TMEM100: variants seen among roughly 807,000 people sequenced by gnomAD.
TMEM100 encodes transmembrane protein 100.
For synonymous variants in TMEM100, 61 were observed against 67.1 expected (o/e 0.91, Z 0.44); for missense variants, 137 against 168.2 (o/e 0.81, Z 1.02).
upstream of TMEM100, among the ~76,000 whole-genome samples, chr17:55,726,655 C>A (rs1199238110): frequency 2.0e-5 from 3 of 152,136 alleles, no homozygotes; most frequent in Non-Finnish European, 4.4e-5. Context: ...TCACCACATG[C>A]CTTTGATCTC....
Position 55,720,810 on chromosome 17 carries a change from G to T in TMEM100, c.261C>A (p.Ile87=). ...SFNSHGSIIS[I]FGLVVLSSGL... ...CAGATGACAGAACAACCAGGCCAAA[G>T]ATGGAGATAATAGACCCATGGGAAT... Residue 87 remains isoleucine, a synonymous_variant, in exon 2 of 2, where the codon ATC becomes ATA. Coordinates refer to ENST00000424486, the MANE Select transcript of TMEM100 (RefSeq NM_018286.3). 6.2e-7 allele frequency: 1 copy of T among 1,614,222 alleles called. No individual in the cohort carries two copies. The highest frequency in any genetic ancestry group is 8.5e-7 in the Non-Finnish European group (1 of 1,180,036).
upstream of TMEM100, among the ~76,000 whole-genome samples, chr17:55,726,655 C>T (rs1199238110): frequency 6.6e-6 from 1 of 152,136 alleles, no homozygotes; most frequent in Non-Finnish European, 1.5e-5. Flanking sequence ...TCACCACATG[C>T]CTTTGATCTC....
At chr17:55,721,752 A>G (rs2144863227) in intron 1 of TMEM100, 1 of 152,352 alleles carries the variant, frequency 6.6e-6, no homozygotes, top group East Asian at 1.9e-4. Context: ...TGGACAGTTC[A>G]GCAAAAAATT....
chr17:55,729,196 G>A (rs1909142366), intron 1 of TMEM100, among the ~76,000 whole-genome samples: 1 of 152,214 alleles, frequency 6.6e-6, no homozygotes, highest in South Asian at 2.1e-4. Context: ...GGGAAAGCAG[G>A]TTGAGACACC....
chr17:55,725,124 C>T (rs1373831496), upstream of TMEM100, among the ~76,000 whole-genome samples: 1 of 152,232 alleles, frequency 6.6e-6, no homozygotes, highest in East Asian at 1.9e-4. Flanking sequence ...TTTACCTCTT[C>T]AAATTGAAAT....
exon 1 of TMEM100, chr17:55,731,897 G>A (rs940787517): frequency 6.6e-6 from 1 of 152,192 alleles, no homozygotes; most frequent in African/African-American, 2.4e-5. Context: ...AAAGCAGCAG[G>A]GGCCAGAACT....
At chr17:55,722,132 A>C (rs1013960737) in intron 1 of TMEM100, among the ~76,000 whole-genome samples, 10 of 152,230 alleles carry the variant, frequency 6.6e-5, no homozygotes, top group African/African-American at 2.2e-4. Context: ...ACTTTTGATC[A>C]AAAGTATCTG....
In TMEM100 at chr17:55,721,010, T is replaced by C. The variant is rs1485686683; in HGVS notation, c.61A>G (p.Met21Val). 2 of 1,614,158 alleles carry C rather than the reference T, an allele frequency of 1.2e-6. No individual in the cohort carries two copies. Among genetic ancestry groups the C allele is most frequent in the Non-Finnish European group, 1.7e-6 (2 of 1,180,010 alleles). The change falls in exon 2 of 2, where the codon ATG (methionine) becomes GTG (valine). Residue 21 changes from methionine (M) to valine (V), a missense_variant. By Grantham distance (21) the Met-to-Val change is conservative (BLOSUM62 1). Transcript: ENST00000424486. ...ACTTCACTCTTGGGGCTCTTCTCCA[T>C]CGTCGCTGCCATGTGAGCCTTTGGG... Reference protein sequence around the residue: ...GAPKAHMAATMEKSPKSEVVI... With the variant: ...GAPKAHMAATVEKSPKSEVVI...
At chr17:55,724,827 C>A (rs3760280), upstream of TMEM100, among the ~76,000 whole-genome samples, 3,608 of 152,220 alleles carry the variant, frequency 0.024, 246 homozygotes, top group East Asian at 0.23. Flanking sequence ...TATAATGAGG[C>A]GCAGTGAGTG....
In TMEM100 at chr17:55,720,960, G is replaced by A. The variant is rs1382417820; in HGVS notation, c.111C>T (p.Val37=). Residue 37 remains valine (V), a synonymous_variant, in exon 2 of 2, where the codon GTC becomes GTT. Transcript: ENST00000424486. ...TAGCAGCCATCAACTGAATCTCACT[G>A]ACCAGAGGGACTGTGGTGATCACAA... ...SEVVITTVPL[V]SEIQLMAATG... The A allele has an allele frequency of 2.5e-6, 4 of 1,614,080 alleles. No individual in the cohort carries two copies. The Admixed American group carries it at 5.0e-5, about 20-fold the overall frequency.
At chr17:55,722,521 GAT>G (rs1908927100) in intron 1 of TMEM100, 96 bp downstream of exon 1, 1 of 152,156 alleles carries the variant, frequency 6.6e-6, no homozygotes, top group African/African-American at 2.4e-5. Context: ...CCAGTTAAAA[GAT>G]ATTTGAGATT....
chr17:55,727,900 A>G (rs1909112232), exon 2 of TMEM100: 1 of 152,216 alleles, frequency 6.6e-6, no homozygotes, highest in Non-Finnish European at 1.5e-5. Flanking sequence ...AATTGAAAGC[A>G]CAGTTTAAAC....
At chr17:55,729,474 C>G (rs80047126) in intron 1 of TMEM100, among the ~76,000 whole-genome samples, 1 of 152,204 alleles carries the variant, frequency 6.6e-6, no homozygotes, top group Non-Finnish European at 1.5e-5. Context: ...TAGCTATTCA[C>G]TTCTCCGGTG....
At position 55,721,154 on chromosome 17, in the gene TMEM100, A is replaced by C; in HGVS notation, c.-65-19T>G. ...GTGAAAGCTGTGAAGATAACAGGAG[A>C]TGTCAGCTACATGTATCAGAATGTA... On this transcript the variant is annotated intron_variant, in intron 1 of 1. Transcript: ENST00000424486. The C allele has an allele frequency of 6.8e-7, 1 of 1,475,512 alleles. No individual in the cohort carries two copies. The highest frequency in any genetic ancestry group is 9.1e-7 in the Non-Finnish European group (1 of 1,096,738). The allele number at this position is 1,475,512 out of a possible 1,614,324, so 91.4% of individuals were successfully genotyped here.
chr17:55,728,181 T>A (rs1208946858), intron 1 of TMEM100, among the ~76,000 whole-genome samples: 1 of 152,228 alleles, frequency 6.6e-6, no homozygotes, highest in African/African-American at 2.4e-5. Context: ...GGTATTTGTA[T>A]TTTATTTAAA....
chr17:55,724,549 C>T (rs938082319), upstream of TMEM100, among the ~76,000 whole-genome samples: 4 of 152,122 alleles, frequency 2.6e-5, no homozygotes, highest in Admixed American at 1.3e-4. Context: ...AGATGGGGGC[C>T]GCTGGCTACG....
rs75401542 is a variant in TMEM100 at position 55,720,251 on chromosome 17, T to C, written c.*415A>G. On this transcript the variant is annotated 3_prime_UTR_variant, in exon 2 of 2. Transcript: ENST00000424486. Reference sequence around the variant, plus strand: ...TAGACATATGCGAAACCCAAGGTAATTTAGATCCTTGGCAGAACATTTTTA... The same window carrying C: ...TAGACATATGCGAAACCCAAGGTAACTTAGATCCTTGGCAGAACATTTTTA... 7.7e-3 allele frequency: 1,234 copies of C among 160,992 alleles called. 15 individuals are homozygous for C. Among genetic ancestry groups the C allele is most frequent in the African/African-American group, 0.027 (1,144 of 41,884 alleles). The allele number at this position is 160,992 out of a possible 1,614,324, so 10.0% of individuals were successfully genotyped here.
At chr17:55,729,589 T>C (rs766168898) in intron 1 of TMEM100, among the ~76,000 whole-genome samples, 1 of 152,162 alleles carries the variant, frequency 6.6e-6, no homozygotes, top group Non-Finnish European at 1.5e-5. Flanking sequence ...AAATAAAATT[T>C]CGAGTAAAAT....
At chr17:55,727,794 T>C (rs562396628), upstream of TMEM100, 9 of 152,328 alleles carry the variant, frequency 5.9e-5, no homozygotes, top group East Asian at 1.7e-3. Context: ...GAGCAGAATA[T>C]ACTTACCGAC....
Sources: allele counts gnomAD v4.1 joint callset (sites outside exome capture counted in the v4.1 genomes callset), GRCh38; gene constraint gnomAD v4.1.1; transcripts MANE v1.5; gene names NCBI Gene and HGNC (gene_info 2026-07-23, HGNC 2026-07-21).